Variants in ABCA12 observed in about 807,000 individuals in gnomAD.
ABCA12 encodes the protein ATP binding cassette subfamily A member 12.
ABCA12 carries 156 observed loss-of-function variants against 293.5 expected under a neutral mutation model. The observed-to-expected ratio is 0.53, with a 90% CI of 0.47 to 0.61. The LOEUF is 0.61. Among genes scored for constraint, ABCA12 ranks in the 20% least tolerant of loss-of-function variants. The pLI is 0.00. For synonymous variants in ABCA12, 1,063 were observed against 1,108.0 expected, an observed-to-expected ratio of 0.96 and a Z score of 0.81; for missense variants, 2,797 against 3,090.2, an observed-to-expected ratio of 0.91 and a Z score of 2.25.
chr2:214,973,829 G>C, intron 36 of ABCA12, 120 bp downstream of exon 36: 1 of 837,444 alleles, frequency 1.2e-6, no homozygotes, highest in Non-Finnish European at 2.0e-6. Flanking sequence ...ATATTTCTGA[G>C]CTACTAGCTT....
At chr2:214,948,759 C>T (rs1313646160) in intron 46 of ABCA12, 22 bp from the exon 47 acceptor site, 2 of 1,613,742 alleles carry the variant, frequency 1.2e-6, no homozygotes, top group Non-Finnish European at 1.7e-6. Flanking sequence ...GAATCAAAAA[C>T]ACAGATGAAT....
At position 215,015,677 on chromosome 2, in the gene ABCA12, A is replaced by T; in HGVS notation, c.1783-14T>A. 1 of 1,612,356 alleles carries T rather than the reference A, an allele frequency of 6.2e-7. No homozygotes were observed. The highest frequency in any genetic ancestry group is 8.5e-7 in the Non-Finnish European group (1 of 1,178,430). Reference sequence around the variant, plus strand: ...CTGAGAAATAATCTGCAAATGGAGGAAGAAAAATATTTCAACTGTGAATCA... The same window carrying T: ...CTGAGAAATAATCTGCAAATGGAGGTAGAAAAATATTTCAACTGTGAATCA... On this transcript the variant is annotated splice_polypyrimidine_tract_variant and intron_variant, in intron 14 of 52. Coordinates refer to ENST00000272895, the MANE Select transcript of ABCA12 (RefSeq NM_173076.3).
intron 31 of ABCA12, 135 bp from the exon 32 acceptor site, chr2:214,979,175 A>G (rs1166948633): frequency 2.5e-6 from 2 of 804,402 alleles, no homozygotes; most frequent in Non-Finnish European, 4.3e-6. Flanking sequence ...TCACTGCTCT[A>G]GAGACCCCTT....
Position 214,948,596 on chromosome 2 carries a change from T to C in ABCA12, c.7104A>G (p.Glu2368=), listed in dbSNP as rs763738693. The part of the protein sequence containing the change: ...VHGIPEKDIK[E]TVHKLLRRLH... ...AGTAATTTTTCACACTTGTACTCAC[T>C]TCTTTAATATCCTTTTCTGGAATTC... The change falls in exon 47 of 53, where the codon GAA becomes GAG. Residue 2368 remains glutamate (E), a splice_region_variant and synonymous_variant. Coordinates refer to ENST00000272895, the MANE Select transcript of ABCA12 (RefSeq NM_173076.3). 4 of 1,613,972 alleles carry C rather than the reference T, an allele frequency of 2.5e-6. No homozygotes were observed. The highest frequency in any genetic ancestry group is 3.4e-6 in the Non-Finnish European group (4 of 1,179,908).
At chr2:215,112,278 C>T (rs1702587468) in intron 1 of ABCA12, among the ~76,000 whole-genome samples, 1 of 150,644 alleles carries the variant, frequency 6.6e-6, no homozygotes, top group Non-Finnish European at 1.5e-5. Context: ...CCATATACTA[C>T]TTAATGTCTT....
At chr2:215,005,625 C>T (rs1021091288) in intron 19 of ABCA12, among the ~76,000 whole-genome samples, 1 of 152,166 alleles carries the variant, frequency 6.6e-6, no homozygotes, top group Non-Finnish European at 1.5e-5. Context: ...CAGAGCATCA[C>T]TAACAAATAA....
At chr2:214,943,899 T>G (rs542422303) in intron 49 of ABCA12, among the ~76,000 whole-genome samples, 74 of 152,342 alleles carry the variant, frequency 4.9e-4, no homozygotes, top group African/African-American at 1.8e-3. Flanking sequence ...CTCTTGATAA[T>G]AAGCAAATCT....
At chr2:214,948,876 A>G (rs1423792635) in intron 46 of ABCA12, 139 bp from the exon 47 acceptor site, 5 of 1,245,116 alleles carry the variant, frequency 4.0e-6, no homozygotes, top group Non-Finnish European at 5.8e-6. Context: ...TCCCACTATC[A>G]AATTCACATT....
chr2:215,037,086 T>A, intron 7 of ABCA12, 21 bp from the exon 8 acceptor site: 1 of 1,594,464 alleles, frequency 6.3e-7, no homozygotes, highest in Non-Finnish European at 8.6e-7. Context: ...AAAAAGCAAT[T>A]AAACCAGATT....
rs1411668316 is a variant in ABCA12 at position 215,061,629 on chromosome 2, C to G, written c.317+2437G>C. 2.0e-5 allele frequency among the ~76,000 whole-genome samples: 3 copies of G among 152,004 alleles called. No individual in the cohort carries two copies. The East Asian group carries it at 5.8e-4, about 29-fold the overall frequency. ...ATGATGGGAAATATCATTAATGCAA[C>G]TTTATTATTGTACATAATTTTATAA... On this transcript the variant is annotated intron_variant, in intron 3 of 52. Coordinates refer to ENST00000272895, the MANE Select transcript of ABCA12 (RefSeq NM_173076.3).
chr2:215,070,632 GTGTT>G (rs983827318), intron 2 of ABCA12, among the ~76,000 whole-genome samples: 1 of 147,072 alleles, frequency 6.8e-6, no homozygotes, highest in African/African-American at 2.5e-5. Context: ...AGAACATGCG[GTGTT>G]TGTTTTTTTG....
chr2:215,014,355 CAAA>C (rs60565150), intron 15 of ABCA12, among the ~76,000 whole-genome samples: 1 of 145,736 alleles, frequency 6.9e-6, no homozygotes, highest in African/African-American at 2.5e-5. Flanking sequence ...TAAGCAAAGT[CAAA>C]AAAAAAAATA....
At chr2:214,932,804 A>AG (rs1299576886) in intron 52 of ABCA12, 63 bp from the exon 53 acceptor site, 9 of 454,962 alleles carry the variant, frequency 2.0e-5, no homozygotes, top group Non-Finnish European at 2.4e-5. Flanking sequence ...AATAAAGTTA[A>AG]TTCATTCTCT....
chr2:215,046,502 TAA>T (rs887147169), intron 6 of ABCA12, among the ~76,000 whole-genome samples: 3 of 147,106 alleles, frequency 2.0e-5, no homozygotes, highest in African/African-American at 7.5e-5. Context: ...ATAATATATA[TAA>T]GAGCGTGTGT....
intron 38 of ABCA12, among the ~76,000 whole-genome samples, chr2:214,967,876 A>C (rs965011988): frequency 6.6e-6 from 1 of 152,148 alleles, no homozygotes; most frequent in African/African-American, 2.4e-5. Flanking sequence ...GATGAGAAAT[A>C]TGTGTAGACA....
intron 28 of ABCA12, among the ~76,000 whole-genome samples, chr2:214,985,096 T>C (rs756914399): frequency 2.0e-5 from 3 of 152,232 alleles, no homozygotes; most frequent in South Asian, 2.1e-4. Flanking sequence ...CAAAGGAATA[T>C]GCAGTTTTCC....
Position 215,045,647 on chromosome 2 carries a change from A to G in ABCA12, c.872+190T>C, listed in dbSNP as rs536497819. Among the ~76,000 whole-genome samples the G allele has an allele frequency of 2.0e-5, 3 of 152,294 alleles. No individual in the cohort carries two copies. In the South Asian group the frequency reaches 6.2e-4, roughly 32 times the overall value. ...CGTGGATGCTTCCATAACCTTGATG[A>G]CCACAGTGTATGTTTCTTCTTTGCT... On this transcript the variant is annotated intron_variant, in intron 7 of 52. Coordinates refer to ENST00000272895, the MANE Select transcript of ABCA12 (RefSeq NM_173076.3).
chr2:214,970,450 G>C, intron 36 of ABCA12, 50 bp from the exon 37 acceptor site: 1 of 1,604,402 alleles, frequency 6.2e-7, no homozygotes, highest in Non-Finnish European at 8.5e-7. Context: ...TGCTGTGCAA[G>C]TTAAATAGAC....
intron 20 of ABCA12, among the ~76,000 whole-genome samples, chr2:215,002,029 T>C (rs898391881): frequency 3.3e-5 from 5 of 152,130 alleles, no homozygotes; most frequent in African/African-American, 1.2e-4. Flanking sequence ...CTAAGATGAA[T>C]AAATTTTTAA....
Sources: allele counts gnomAD v4.1 joint callset (sites outside exome capture counted in the v4.1 genomes callset), GRCh38; gene constraint gnomAD v4.1.1; transcripts MANE v1.5; gene names NCBI Gene and HGNC (gene_info 2026-07-23, HGNC 2026-07-21).